MYO1B: variants seen among roughly 807,000 people sequenced by gnomAD.
MYO1B encodes unconventional myosin-Ib.
A neutral mutation model predicts 159.7 loss-of-function variants in MYO1B; 72 were observed. The observed-to-expected ratio is 0.45, with a 90% CI of 0.37 to 0.55. The LOEUF (loss-of-function observed/expected upper bound fraction) is 0.55, where lower values mean the gene tolerates loss of function less well. Ranked by LOEUF, MYO1B falls within the 20% of genes least tolerant of loss-of-function variation. The pLI, the probability that MYO1B is intolerant of heterozygous loss-of-function variation, is 0.00. For missense variants in MYO1B, 1,062 were observed against 1,364.8 expected (o/e 0.78, Z 3.50); for synonymous variants, 468 against 473.8 (o/e 0.99, Z 0.16).
intron 3 of MYO1B, among the ~76,000 whole-genome samples, chr2:191,321,259 T>A (rs1690692464): frequency 6.6e-6 from 1 of 152,182 alleles, no homozygotes; most frequent in African/African-American, 2.4e-5. Context: ...TAGCATTAAG[T>A]TGTAAAGGTG....
chr2:191,364,223 C>T lies in MYO1B; in HGVS notation c.979C>T (p.Arg327Ter), dbSNP rs774734030. The T allele has an allele frequency of 8.1e-6, 13 of 1,613,900 alleles. No homozygotes were observed. The highest frequency in any genetic ancestry group is 2.2e-5 in the South Asian group (2 of 91,080). ...QSVLERAFSF[R>*]TVEAKQEKVS... ...AGTTCTAGAACGAGCATTCAGTTTC[C>T]GAACAGTTGAGGCCAAACAGGAGAA... The change falls in exon 11 of 31, where the codon CGA becomes TGA. Residue 327 changes from arginine to a stop codon, truncating the protein, a stop_gained. Coordinates refer to ENST00000392318, the MANE Select transcript of MYO1B (RefSeq NM_001130158.3). LOFTEE classifies it high-confidence loss of function.
At chr2:191,257,657 G>A (rs944481544) in intron 1 of MYO1B, among the ~76,000 whole-genome samples, 10 of 152,108 alleles carry the variant, frequency 6.6e-5, no homozygotes, top group African/African-American at 2.2e-4. Context: ...CTTGGCAGTG[G>A]CATTTTATAA....
intron 1 of MYO1B, among the ~76,000 whole-genome samples, chr2:191,269,886 T>G (rs1456804928): frequency 1.3e-5 from 2 of 151,692 alleles, no homozygotes; most frequent in African/African-American, 2.4e-5. Context: ...TTTTGTGGAA[T>G]TTAGAGGGAG....
chr2:191,396,604 C>T lies in MYO1B; in HGVS notation c.2295+107C>T, dbSNP rs1696088945. 2.8e-6 allele frequency: 3 copies of T among 1,056,626 alleles called. No individual in the cohort carries two copies. In the Admixed American group the frequency reaches 5.4e-5, roughly 19 times the overall value. The allele number at this position is 1,056,626 out of a possible 1,614,324, so 65.5% of individuals were successfully genotyped here. A position where few individuals can be genotyped will look rare whatever the true frequency, so the allele number is the denominator to read the frequency against. On this transcript the variant is annotated intron_variant, in intron 21 of 30. Coordinates refer to ENST00000392318, the MANE Select transcript of MYO1B (RefSeq NM_001130158.3). ...AGAGGAGGGGCTCCTCTGTCTCCTG[C>T]CTCGCCTGTAAACAGTCAGATGGAA...
intron 30 of MYO1B, among the ~76,000 whole-genome samples, chr2:191,422,126 G>A (rs971952403): frequency 6.6e-6 from 1 of 152,190 alleles, no homozygotes; most frequent in African/African-American, 2.4e-5. Flanking sequence ...TCCTCACATC[G>A]CTGGGGGATG....
At chr2:191,318,497 G>A (rs1690494632) in intron 3 of MYO1B, among the ~76,000 whole-genome samples, 1 of 152,140 alleles carries the variant, frequency 6.6e-6, no homozygotes. Flanking sequence ...AGGACCTGAT[G>A]CCTGTCTCCA....
rs139516087 is a variant in MYO1B, at chr2:191,357,377, G to A, written c.563-3254G>A. ...GTGTCGATAGTCGGGTGGCGGCAGC[G>A]CAGTGGGGCGGGGGGCAAGTTCTCA... On this transcript the variant is annotated intron_variant, in intron 7 of 30. Transcript: ENST00000392318. Among the ~76,000 whole-genome samples, 419 of 152,232 alleles carry A rather than the reference G, an allele frequency of 2.8e-3. 3 individuals are homozygous for A. Among genetic ancestry groups the A allele is most frequent in the African/African-American group, 9.6e-3 (400 of 41,550 alleles).
rs1297038976 is a variant in MYO1B at position 191,383,283 on chromosome 2, A to G, written c.1294A>G (p.Ile432Val). 6.4e-7 allele frequency: 1 copy of G among 1,573,414 alleles called. No homozygotes were observed. The highest frequency in any genetic ancestry group is 8.6e-7 in the Non-Finnish European group (1 of 1,160,860). ...TTTGTTCTGTTTTGTCTTTTAGGAT[A>G]TAGAATGGACTCACATTGACTACTT... Reference protein sequence around the residue: ...EEQEEYIREDIEWTHIDYFNN... With the variant: ...EEQEEYIREDVEWTHIDYFNN... Residue 432 changes from isoleucine to valine, a missense_variant, in exon 15 of 31, where the codon ATA (isoleucine) becomes GTA (valine). Around this residue, in one of 5 missense-constraint regions of MYO1B, gnomAD observed 415 missense variants for 544.0 expected, o/e 0.76. Transcript: ENST00000392318.
At chr2:191,312,939 T>C (rs1426311034) in intron 3 of MYO1B, among the ~76,000 whole-genome samples, 1 of 152,208 alleles carries the variant, frequency 6.6e-6, no homozygotes, top group African/African-American at 2.4e-5. Context: ...CTATTGGAAA[T>C]GAAACTTGAG....
chr2:191,409,260 A>G, intron 26 of MYO1B, 82 bp downstream of exon 26: 2 of 1,412,726 alleles, frequency 1.4e-6, no homozygotes, highest in Non-Finnish European at 2.0e-6. Context: ...CAAAACTGTT[A>G]ACACATTCTT....
chr2:191,423,794 C>G (rs1293103437), intron 30 of MYO1B, 43 bp from the exon 31 acceptor site: 1 of 1,576,294 alleles, frequency 6.3e-7, no homozygotes, highest in African/African-American at 1.4e-5. Context: ...TAATCATGAG[C>G]TGTTTTGTGT....
At chr2:191,385,813 T>C (rs533856944) in intron 15 of MYO1B, 71 bp from the exon 16 acceptor site, 36 of 1,452,840 alleles carry the variant, frequency 2.5e-5, no homozygotes, top group Admixed American at 2.4e-4. Flanking sequence ...TGTTTGATGG[T>C]GTAATTAGGA....
chr2:191,328,884 T>G (rs4465792), intron 3 of MYO1B, among the ~76,000 whole-genome samples: 48,904 of 152,000 alleles, frequency 0.32, 8,213 homozygotes, highest in South Asian at 0.49. Flanking sequence ...TCCACCCCTT[T>G]GAGGTTTGTC....
chr2:191,378,242 T>G (rs1694831721), intron 13 of MYO1B, among the ~76,000 whole-genome samples: 1 of 152,220 alleles, frequency 6.6e-6, no homozygotes. Context: ...CCTGACTGTT[T>G]GGGTGGATGT....
At chr2:191,363,139 T>C (rs146068861) in intron 9 of MYO1B, among the ~76,000 whole-genome samples, 2,715 of 152,334 alleles carry the variant, frequency 0.018, 39 homozygotes, top group Middle Eastern at 0.044. Flanking sequence ...GTATGTCGTT[T>C]TAAAAAACTG....
At chr2:191,349,632 C>T (rs1205753578) in intron 6 of MYO1B, among the ~76,000 whole-genome samples, 1 of 152,126 alleles carries the variant, frequency 6.6e-6, no homozygotes, top group East Asian at 1.9e-4. Context: ...GGGTGAAAAG[C>T]CAAAAACAGT....
At chr2:191,393,003 A>G (rs1695847850) in intron 19 of MYO1B, 70 bp from the exon 20 acceptor site, 2 of 1,441,148 alleles carry the variant, frequency 1.4e-6, no homozygotes, top group South Asian at 2.6e-5. Flanking sequence ...TTGTCTCCTG[A>G]AAATTCCTTT....
At chr2:191,388,606 A>G (rs559788247) in intron 17 of MYO1B, among the ~76,000 whole-genome samples, 1 of 152,272 alleles carries the variant, frequency 6.6e-6, no homozygotes, top group South Asian at 2.1e-4. Context: ...GTTTGATTGC[A>G]GTCAGATTAG....
chr2:191,403,851 C>G (rs1441223568), intron 24 of MYO1B, among the ~76,000 whole-genome samples: 2 of 152,144 alleles, frequency 1.3e-5, no homozygotes, highest in Non-Finnish European at 2.9e-5. Flanking sequence ...AACATTTTCC[C>G]ATTTAACTCA....
Sources: gnomAD v4.1 joint callset for allele counts (sites outside exome capture counted in the v4.1 genomes callset) on GRCh38, gnomAD v4.1.1 for gene constraint, gnomAD v4.1.1 regional missense constraint, MANE v1.5 for transcripts, NCBI Gene and HGNC (gene_info 2026-07-23, HGNC 2026-07-21) for gene names.